The following HMG20A variants were observed in gnomAD, a reference collection of about 807,000 sequenced individuals.
The protein encoded by HMG20A is high mobility group 20A.
In HMG20A, 17 loss-of-function variants were observed where a neutral mutation model predicts 43.9. The ratio of observed to expected loss-of-function variants is 0.39; its 90% CI spans 0.27 to 0.58. The LOEUF is 0.58. Among genes scored for constraint, HMG20A ranks in the 20% least tolerant of loss-of-function variants. The pLI, the probability that HMG20A is intolerant of heterozygous loss-of-function variation, is 0.59. For missense variants in HMG20A, 341 were observed against 438.2 expected (o/e 0.78, Z 1.98); for synonymous variants, 132 against 147.5 (o/e 0.89, Z 0.76).
At chr15:77,466,804 A>C (rs1375289607) in intron 3 of HMG20A, among the ~76,000 whole-genome samples, 1 of 152,080 alleles carries the variant, frequency 6.6e-6, no homozygotes, top group Non-Finnish European at 1.5e-5. Context: ...TGATCATGGC[A>C]CCTCTTATTC....
At chr15:77,491,174 AAGAG>A in the HMG20A span, among the ~76,000 whole-genome samples, 1 of 152,260 alleles carries the variant, frequency 6.6e-6, no homozygotes. Context: ...GTCTGCTTAA[AAGAG>A]ACTGGTCAAA....
At chr15:77,436,296 A>G (rs932603843) in intron 1 of HMG20A, among the ~76,000 whole-genome samples, 5 of 152,112 alleles carry the variant, frequency 3.3e-5, no homozygotes, top group African/African-American at 1.2e-4. Context: ...AGACCACTGC[A>G]AGATTCTATT....
intron 9 of HMG20A, among the ~76,000 whole-genome samples, chr15:77,480,010 C>T (rs543465643): frequency 1.6e-4 from 24 of 152,142 alleles, no homozygotes; most frequent in Non-Finnish European, 3.1e-4. Flanking sequence ...ATAAACTCTT[C>T]AGCCAGGTGC....
At chr15:77,445,213 C>T (rs1022827008) in intron 1 of HMG20A, among the ~76,000 whole-genome samples, 1 of 152,164 alleles carries the variant, frequency 6.6e-6, no homozygotes, top group Non-Finnish European at 1.5e-5. Context: ...AAGGAAGAAA[C>T]ATTCTTTCTA....
intron 6 of HMG20A, among the ~76,000 whole-genome samples, chr15:77,474,051 C>T (rs1272637647): frequency 6.6e-6 from 1 of 152,016 alleles, no homozygotes; most frequent in East Asian, 1.9e-4. Context: ...ACACTGTTAC[C>T]CAGTAATTTT....
chr15:77,421,301 T>G (rs983068088), intron 1 of HMG20A, among the ~76,000 whole-genome samples: 1 of 152,158 alleles, frequency 6.6e-6, no homozygotes, highest in Non-Finnish European at 1.5e-5. Flanking sequence ...TCTTGCAGCT[T>G]GGGGATTGTG....
intron 6 of HMG20A, among the ~76,000 whole-genome samples, chr15:77,476,705 A>C (rs917607884): frequency 6.6e-6 from 1 of 152,144 alleles, no homozygotes; most frequent in Non-Finnish European, 1.5e-5. Flanking sequence ...AATTTTGAAC[A>C]TTATGCCAAC....
chr15:77,432,509 G>A (rs948472043), intron 1 of HMG20A, among the ~76,000 whole-genome samples: 3 of 152,102 alleles, frequency 2.0e-5, no homozygotes, highest in Non-Finnish European at 4.4e-5. Context: ...ATCACCTGAG[G>A]TCAGGAGTTT....
chr15:77,452,053 G>A (rs1471664511), intron 1 of HMG20A, among the ~76,000 whole-genome samples: 2 of 152,210 alleles, frequency 1.3e-5, no homozygotes, highest in South Asian at 2.1e-4. Flanking sequence ...CCCAGTTTCA[G>A]AGTTAATCCA....
intron 1 of HMG20A, among the ~76,000 whole-genome samples, chr15:77,444,075 T>G (rs969851151): frequency 2.6e-5 from 4 of 152,202 alleles, no homozygotes; most frequent in African/African-American, 9.7e-5. Context: ...ATTGATAACT[T>G]TGTAATATAA....
intron 9 of HMG20A, among the ~76,000 whole-genome samples, chr15:77,481,653 C>G (rs138332408): frequency 2.6e-3 from 396 of 152,218 alleles, no homozygotes; most frequent in African/African-American, 9.2e-3. Flanking sequence ...TAGAATATTA[C>G]TATTATCCTT....
chr15:77,468,197 G>T (rs1376510390), intron 4 of HMG20A, among the ~76,000 whole-genome samples: 2 of 152,134 alleles, frequency 1.3e-5, no homozygotes, highest in Non-Finnish European at 2.9e-5. Flanking sequence ...TGGCGCTACT[G>T]TATAAAAGGA....
At chr15:77,467,901 A>G (rs962148654) in intron 4 of HMG20A, among the ~76,000 whole-genome samples, 32 of 152,260 alleles carry the variant, frequency 2.1e-4, no homozygotes, top group Admixed American at 7.8e-4. Context: ...TTGAAGTACC[A>G]CTAAAGCTGA....
At chr15:77,443,023 T>C (rs2073629454) in intron 1 of HMG20A, among the ~76,000 whole-genome samples, 2 of 150,684 alleles carry the variant, frequency 1.3e-5, no homozygotes, top group Non-Finnish European at 3.0e-5. Context: ...ATAACTACTT[T>C]GAACTTTTTT....
chr15:77,471,569 GCTGTTTCTCTTATGCCTAATTATGAATT>G (rs2072808697), intron 5 of HMG20A, among the ~76,000 whole-genome samples, 186 bp from the exon 6 acceptor site: 1 of 152,134 alleles, frequency 6.6e-6, no homozygotes, highest in Non-Finnish European at 1.5e-5. Context: ...AACTGTGTCT[GCTGTTTCTCTTATGCCTAATTATGAATT>G]CTGTAGGCAT....
chr15:77,463,019 G>A (rs1386423049), intron 2 of HMG20A, among the ~76,000 whole-genome samples: 2 of 151,974 alleles, frequency 1.3e-5, no homozygotes, highest in Non-Finnish European at 2.9e-5. Flanking sequence ...TGATCCACCT[G>A]CCTTGGCCTC....
the HMG20A span, among the ~76,000 whole-genome samples, chr15:77,510,255 G>A: frequency 1.3e-5 from 2 of 152,132 alleles, no homozygotes; most frequent in South Asian, 2.1e-4. Context: ...CCCAACCCTC[G>A]GGAGGTAGGC....
rs2072884369 is a variant in HMG20A at position 77,479,174 on chromosome 15, T to G, written c.908-5T>G. 20 of 1,613,298 alleles carry G rather than the reference T, an allele frequency of 1.2e-5. No individual in the cohort carries two copies. The highest frequency in any genetic ancestry group is 1.6e-5 in the Non-Finnish European group (19 of 1,179,276). On this transcript the variant is annotated splice_region_variant and splice_polypyrimidine_tract_variant and intron_variant, in intron 8 of 9. Coordinates refer to ENST00000336216, the MANE Select transcript of HMG20A (RefSeq NM_001304504.2). ...TTTTCTTACTTTCTTCTTATCTCAC[T>G]TCAGGAAGTGGAGAGACACCTACAG...
the HMG20A span, among the ~76,000 whole-genome samples, chr15:77,502,830 C>T: frequency 9.3e-3 from 1,416 of 152,086 alleles, 11 homozygotes; most frequent in Non-Finnish European, 0.014. Context: ...ATTAGCCAGG[C>T]GTGATGGCAT....
Sources: allele counts gnomAD v4.1 joint callset (sites outside exome capture counted in the v4.1 genomes callset), GRCh38; gene constraint gnomAD v4.1.1; transcripts MANE v1.5; gene names NCBI Gene and HGNC (gene_info 2026-07-23, HGNC 2026-07-21).